ROS1: variants seen among roughly 807,000 people sequenced by gnomAD.
The protein encoded by ROS1 is ROS proto-oncogene 1, receptor tyrosine kinase, also known as proto-oncogene tyrosine-protein kinase ROS.
A neutral mutation model predicts 273.5 loss-of-function variants in ROS1; 263 were observed. The ratio of observed to expected loss-of-function variants is 0.96; its 90% CI spans 0.87 to 1.06. The LOEUF (loss-of-function observed/expected upper bound fraction) is 1.06, where lower values mean the gene tolerates loss of function less well. Ranked by LOEUF, ROS1 falls within the 50% of genes least tolerant of loss-of-function variation. ROS1 has a pLI of 0.00. For missense variants in ROS1, 2,833 were observed against 2,751.1 expected (o/e 1.03, Z -0.67); for synonymous variants, 1,008 against 954.1 (o/e 1.06, Z -1.04).
At chr6:117,402,943 CA>C (rs1562370291) in intron 7 of ROS1, among the ~76,000 whole-genome samples, 195 bp downstream of exon 7, 2 of 151,410 alleles carry the variant, frequency 1.3e-5, no homozygotes, top group Non-Finnish European at 2.9e-5. Context: ...TCCACAGGAG[CA>C]GGGGTCATTG....
chr6:117,357,459 G>A (rs1197132360), intron 25 of ROS1, among the ~76,000 whole-genome samples: 1 of 152,204 alleles, frequency 6.6e-6, no homozygotes, highest in Non-Finnish European at 1.5e-5. Context: ...TGCAAGGCAT[G>A]CTGCCCATCT....
intron 43 of ROS1, among the ~76,000 whole-genome samples, chr6:117,291,078 C>G (rs1264280735): frequency 4.6e-5 from 7 of 152,178 alleles, no homozygotes; most frequent in Non-Finnish European, 1.5e-5. Context: ...AGTTTTTTCT[C>G]TCTTCCCTGC....
intron 14 of ROS1, among the ~76,000 whole-genome samples, chr6:117,387,236 G>A (rs557892159): frequency 6.6e-6 from 1 of 152,144 alleles, no homozygotes; most frequent in African/African-American, 2.4e-5. Context: ...GAAGAAAAAC[G>A]CATGGTGAGA....
rs2128563411 is a variant in ROS1 at position 117,321,309 on chromosome 6, C to G, written c.5709G>C (p.Leu1903=). The change falls in exon 36 of 44, where the codon CTG becomes CTC. Residue 1903 remains leucine (L), a synonymous_variant. Transcript: ENST00000368507. ...GGCCTACTCCGGCTGCCAGACCTCG[C>G]AGCTCAGCCAACTCTTTGTCTTCGT... is the stretch of plus-strand genomic sequence containing the variant. ...LINEDKELAE[L]RGLAAGVGLA... is the part of the protein sequence containing the mutation. The G allele has an allele frequency of 6.2e-7, 1 of 1,613,818 alleles. No homozygotes were observed. Among genetic ancestry groups the G allele is most frequent in the East Asian group, 2.2e-5 (1 of 44,862 alleles).
intron 2 of ROS1, among the ~76,000 whole-genome samples, chr6:117,417,632 T>C (rs950210181): frequency 6.6e-6 from 1 of 152,168 alleles, no homozygotes; most frequent in Non-Finnish European, 1.5e-5. Flanking sequence ...ACTTGGCAAT[T>C]GGTATGTAAC....
At chr6:117,395,944 A>T (rs1003209086) in intron 9 of ROS1, among the ~76,000 whole-genome samples, 3 of 152,136 alleles carry the variant, frequency 2.0e-5, no homozygotes, top group African/African-American at 7.2e-5. Flanking sequence ...CCATTTTTTT[A>T]AAACCCTAAA....
At chr6:117,375,445 A>G (rs1681947323) in intron 18 of ROS1, among the ~76,000 whole-genome samples, 1 of 152,198 alleles carries the variant, frequency 6.6e-6, no homozygotes, top group Non-Finnish European at 1.5e-5. Flanking sequence ...ATTGAATTAA[A>G]TAAATTTTTT....
chr6:117,325,345 T>C (rs954913980), intron 34 of ROS1, among the ~76,000 whole-genome samples: 1 of 152,150 alleles, frequency 6.6e-6, no homozygotes, highest in African/African-American at 2.4e-5. Context: ...GGGACCTGTA[T>C]TCTAGGCTGA....
chr6:117,422,703 T>C (rs555114297), intron 1 of ROS1, among the ~76,000 whole-genome samples: 50 of 152,268 alleles, frequency 3.3e-4, no homozygotes, highest in African/African-American at 1.1e-3. Flanking sequence ...GAACTTAAGA[T>C]ACAAATCAAA....
chr6:117,341,003 C>T (rs1777869087), intron 31 of ROS1, 132 bp downstream of exon 31: 3 of 624,774 alleles, frequency 4.8e-6, no homozygotes, highest in Non-Finnish European at 5.4e-6. Flanking sequence ...ACTGCTTCTG[C>T]ATGCCAAACA....
Position 117,288,486 on chromosome 6 carries a change from A to G in ROS1, c.*6T>C. 6.3e-7 allele frequency: 1 copy of G among 1,597,878 alleles called. No individual in the cohort carries two copies. The highest frequency in any genetic ancestry group is 8.5e-7 in the Non-Finnish European group (1 of 1,173,456). Reference sequence around the variant, plus strand: ...ATCTCAACTCTCTATTTCCCAAACAACGCTATTAATCAGACCCATCTCCAT... The same window carrying G: ...ATCTCAACTCTCTATTTCCCAAACAGCGCTATTAATCAGACCCATCTCCAT... On this transcript the variant is annotated 3_prime_UTR_variant, in exon 44 of 44. Coordinates refer to ENST00000368507, the MANE Select transcript of ROS1 (RefSeq NM_001378902.1).
rs185998350 is a variant in ROS1, at chr6:117,376,929, A to G, written c.2582+2130T>C. Among the ~76,000 whole-genome samples, 227 of 152,330 alleles carry G rather than the reference A, an allele frequency of 1.5e-3. 1 individual carries two copies. Among genetic ancestry groups the G allele is most frequent in the African/African-American group, 5.2e-3 (217 of 41,574 alleles). On this transcript the variant is annotated intron_variant, in intron 18 of 43. Transcript: ENST00000368507. ...TATTTGGAAAGGCAAAAGATCAAGT[A>G]TAGCCAAAATAAAAATATTGGAAAA...
At chr6:117,366,974 T>C (rs3798380) in intron 18 of ROS1, among the ~76,000 whole-genome samples, 24,486 of 152,200 alleles carry the variant, frequency 0.16, 2,162 homozygotes, top group South Asian at 0.29. Flanking sequence ...GTTTATTCTA[T>C]GTGCTCCTAC....
rs538540508 is a variant in ROS1 at position 117,326,365 on chromosome 6, T to C, written c.5398A>G (p.Thr1800Ala). 6.4e-6 allele frequency: 10 copies of C among 1,571,508 alleles called. No homozygotes were observed. In the East Asian group the frequency reaches 2.1e-4, roughly 33 times the overall value. Residue 1800 changes from threonine to alanine, a missense_variant, in exon 34 of 44, where the codon ACA becomes GCA. Physicochemically the swap from Thr to Ala is moderately conservative, Grantham distance 58. Coordinates refer to ENST00000368507, the MANE Select transcript of ROS1 (RefSeq NM_001378902.1). The part of the protein sequence containing the change: ...LQNQNLRWKM[T>A]FNGSCSSVCT... ...ACACTACTGCAGGATCCATTAAATG[T>C]CATCTTCCACCTTAAATTCTGGTTC...
At chr6:117,340,971 C>A (rs1777866460) in intron 31 of ROS1, among the ~76,000 whole-genome samples, 164 bp downstream of exon 31, 2 of 152,070 alleles carry the variant, frequency 1.3e-5, no homozygotes, top group South Asian at 4.1e-4. Flanking sequence ...TTCTTCCCAC[C>A]AGAAATTAGT....
chr6:117,319,597 C>A (rs997339467), intron 37 of ROS1, among the ~76,000 whole-genome samples: 19 of 152,090 alleles, frequency 1.2e-4, no homozygotes, highest in Non-Finnish European at 2.4e-4. Flanking sequence ...TCTCTTATGG[C>A]ATGTTTGAAG....
At chr6:117,411,517 C>T (rs918539027) in intron 4 of ROS1, among the ~76,000 whole-genome samples, 11 of 152,100 alleles carry the variant, frequency 7.2e-5, no homozygotes, top group African/African-American at 2.7e-4. Context: ...GTATACTCTT[C>T]CAGGGGCTAC....
intron 5 of ROS1, among the ~76,000 whole-genome samples, chr6:117,408,454 C>T (rs1192609117): frequency 1.3e-5 from 2 of 152,166 alleles, no homozygotes; most frequent in Non-Finnish European, 2.9e-5. Context: ...CCAAAAAACA[C>T]ATGAAAAAAT....
chr6:117,387,699 C>G, intron 14 of ROS1, 81 bp downstream of exon 14: 1 of 1,463,920 alleles, frequency 6.8e-7, no homozygotes, highest in Non-Finnish European at 9.3e-7. Context: ...TTCTTTAAAC[C>G]CAAGGCAAGG....
Sources: allele counts gnomAD v4.1 joint callset (sites outside exome capture counted in the v4.1 genomes callset), GRCh38; gene constraint gnomAD v4.1.1; transcripts MANE v1.5; gene names NCBI Gene and HGNC (gene_info 2026-07-23, HGNC 2026-07-21).